KATNA1: variants seen among roughly 807,000 people sequenced by gnomAD.
The protein encoded by KATNA1 is katanin catalytic subunit A1.
Under a neutral mutation model 62.6 loss-of-function variants are expected in KATNA1, and 42 were observed. The observed-to-expected ratio is 0.67, with a 90% CI of 0.52 to 0.87. The LOEUF (loss-of-function observed/expected upper bound fraction) is 0.87. KATNA1 is among the 40% of genes least tolerant of loss of function. The probability of loss-of-function intolerance (pLI) is 0.00; values close to 1 mark genes in which losing one functional copy is unlikely to be tolerated. For synonymous variants in KATNA1, 186 were observed against 201.9 expected, an observed-to-expected ratio of 0.92 and a Z score of 0.67; for missense variants, 498 against 612.5, an observed-to-expected ratio of 0.81 and a Z score of 1.97.
chr6:149,601,587 C>T lies in KATNA1; in HGVS notation c.888+7G>A, dbSNP rs1562280448. On this transcript the variant is annotated splice_region_variant and intron_variant, in intron 7 of 10. Coordinates refer to ENST00000367411, the MANE Select transcript of KATNA1 (RefSeq NM_007044.4). ...AAAGAATCATTAGAGCTGTCTCAAA[C>T]ATTCACCATTTCAAACAGAAGACGA... The T allele has an allele frequency of 1.9e-6, 3 of 1,597,528 alleles. No homozygotes were observed. The highest frequency in any genetic ancestry group is 2.6e-6 in the Non-Finnish European group (3 of 1,172,872).
intron 4 of KATNA1, among the ~76,000 whole-genome samples, chr6:149,615,493 C>T (rs927818278): frequency 1.3e-5 from 2 of 152,040 alleles, no homozygotes; most frequent in East Asian, 1.9e-4. Context: ...GCATGAGCAC[C>T]ATCCCCGGCG....
chr6:149,620,480 G>C (rs1779352468), intron 4 of KATNA1, among the ~76,000 whole-genome samples: 1 of 152,086 alleles, frequency 6.6e-6, no homozygotes. Flanking sequence ...TTTTAGTAGA[G>C]ACAGTGTTTC....
chr6:149,626,049 A>G (rs182015707), intron 3 of KATNA1, among the ~76,000 whole-genome samples: 99 of 152,258 alleles, frequency 6.5e-4, no homozygotes, highest in Non-Finnish European at 1.3e-3. Context: ...TTTTGGATTC[A>G]GGAAGTATTT....
At chr6:149,626,179 A>G (rs912356751) in intron 3 of KATNA1, among the ~76,000 whole-genome samples, 5 of 152,292 alleles carry the variant, frequency 3.3e-5, no homozygotes, top group South Asian at 2.1e-4. Context: ...CCAATTGCCA[A>G]TGAAAAATAT....
chr6:149,638,261 A>G, intron 2 of KATNA1, 125 bp downstream of exon 2: 1 of 873,950 alleles, frequency 1.1e-6, no homozygotes, highest in Non-Finnish European at 1.8e-6. Flanking sequence ...GGAGTGAGCC[A>G]CTGTGTACTG....
chr6:149,612,115 A>C (rs1415940446), intron 4 of KATNA1, among the ~76,000 whole-genome samples: 3 of 152,224 alleles, frequency 2.0e-5, no homozygotes, highest in Non-Finnish European at 4.4e-5. Flanking sequence ...TCACCTAATA[A>C]AAGAAGATAA....
intron 4 of KATNA1, among the ~76,000 whole-genome samples, chr6:149,621,229 T>TTGTCC (rs906529942): frequency 6.6e-6 from 1 of 151,348 alleles, no homozygotes; most frequent in African/African-American, 2.4e-5. Flanking sequence ...GTTCAAGCCA[T>TTGTCC]TGTCCTGCCT....
At chr6:149,597,461 T>A (rs1302449247) in intron 9 of KATNA1, 46 bp downstream of exon 9, 1 of 1,599,840 alleles carries the variant, frequency 6.3e-7, no homozygotes, top group Non-Finnish European at 8.5e-7. Flanking sequence ...TAAACAAAAC[T>A]ACATGAAAGT....
intron 8 of KATNA1, chr6:149,597,952 T>C (rs1778390489): frequency 2.1e-6 from 1 of 471,608 alleles, no homozygotes; most frequent in Non-Finnish European, 3.7e-6. Flanking sequence ...TTTATTTTTA[T>C]TTCAATTTCA....
In KATNA1 at chr6:149,601,581, C is replaced by G; in HGVS notation, c.888+13G>C. The G allele has an allele frequency of 6.3e-7, 1 of 1,593,604 alleles. No individual in the cohort carries two copies. The highest frequency in any genetic ancestry group is 1.1e-5 in the South Asian group (1 of 87,020). On this transcript the variant is annotated intron_variant, in intron 7 of 10. Coordinates refer to ENST00000367411, the MANE Select transcript of KATNA1 (RefSeq NM_007044.4). ...AGAGGTAAAGAATCATTAGAGCTGT[C>G]TCAAACATTCACCATTTCAAACAGA...
At chr6:149,623,046 T>C in intron 4 of KATNA1, 57 bp downstream of exon 4, 1 of 1,272,362 alleles carries the variant, frequency 7.9e-7, no homozygotes, top group South Asian at 1.5e-5. Flanking sequence ...ATTTGTACAG[T>C]CTTCATTTTT....
chr6:149,630,734 T>C (rs1779797415), intron 3 of KATNA1, among the ~76,000 whole-genome samples: 1 of 152,164 alleles, frequency 6.6e-6, no homozygotes, highest in Admixed American at 6.6e-5. Flanking sequence ...AAATGTGGCC[T>C]ATGGACCACC....
rs1202300890 is a variant in KATNA1, at chr6:149,601,683, T to G, written c.799A>C (p.Lys267Gln). Residue 267 changes from lysine (K) to glutamine (Q), a missense_variant, in exon 7 of 11, where the codon AAG becomes CAG. By Grantham distance (53) the Lys-to-Gln change is moderately conservative. Around this residue, in one of 3 missense-constraint regions of KATNA1, gnomAD observed 267 missense variants for 372.6 expected, o/e 0.72. Transcript: ENST00000367411. ...LLAKAVATEC[K>Q]TTFFNVSSST... Reference sequence around the variant, plus strand: ...GAAGAGACATTGAAGAATGTTGTCTTGCATTCTGTAGCTACTGCTTTAGCA... The same window carrying G: ...GAAGAGACATTGAAGAATGTTGTCTGGCATTCTGTAGCTACTGCTTTAGCA... 1 of 1,612,994 alleles carries G rather than the reference T, an allele frequency of 6.2e-7. No homozygotes were observed.
At chr6:149,645,809 C>T (rs1347849841) in intron 1 of KATNA1, among the ~76,000 whole-genome samples, 1 of 151,686 alleles carries the variant, frequency 6.6e-6, no homozygotes, top group Non-Finnish European at 1.5e-5. Context: ...ATACTGAAAT[C>T]GCAATTTTAC....
At position 149,598,211 on chromosome 6, in the gene KATNA1, T is replaced by C. The variant is rs1253608475; in HGVS notation, c.1015+13A>G. On this transcript the variant is annotated intron_variant, in intron 8 of 10. Coordinates refer to ENST00000367411, the MANE Select transcript of KATNA1 (RefSeq NM_007044.4). Reference sequence around the variant, plus strand: ...CCTCCCGTCCCTGTTCAACTCAAGCTAAACACAGATACCATCCATCTGAAC... The same window carrying C: ...CCTCCCGTCCCTGTTCAACTCAAGCCAAACACAGATACCATCCATCTGAAC... 6.2e-7 allele frequency: 1 copy of C among 1,613,408 alleles called. No individual in the cohort carries two copies.
At position 149,630,162 on chromosome 6, in the gene KATNA1, T is replaced by G. The variant is rs189468597; in HGVS notation, c.320+2597A>C. Among the ~76,000 whole-genome samples, 208 of 152,364 alleles carry G rather than the reference T, an allele frequency of 1.4e-3. 1 individual carries two copies. The Middle Eastern group carries it at 0.017, about 12-fold the overall frequency. On this transcript the variant is annotated intron_variant, in intron 3 of 10. Coordinates refer to ENST00000367411, the MANE Select transcript of KATNA1 (RefSeq NM_007044.4). ...TTTTCCCCCTACTTCAATGAATTTT[T>G]CTATTTTTCTTTAATGAGCTACTGT...
intron 4 of KATNA1, among the ~76,000 whole-genome samples, chr6:149,620,675 A>C (rs957969091): frequency 2.0e-5 from 3 of 152,180 alleles, no homozygotes; most frequent in Non-Finnish European, 4.4e-5. Context: ...AACACAAAGA[A>C]ATGATAAATG....
At chr6:149,646,060 G>A (rs1220551762) in intron 1 of KATNA1, among the ~76,000 whole-genome samples, 1 of 152,040 alleles carries the variant, frequency 6.6e-6, no homozygotes, top group Non-Finnish European at 1.5e-5. Context: ...AAGGACTCAG[G>A]CTGGGCTCCA....
intron 1 of KATNA1, among the ~76,000 whole-genome samples, chr6:149,642,666 G>A (rs1299838275): frequency 1.3e-5 from 2 of 152,130 alleles, no homozygotes; most frequent in Admixed American, 1.3e-4. Context: ...CTAAAAAAAG[G>A]TCTCAGACAT....
Sources: gnomAD v4.1 joint callset for allele counts (sites outside exome capture counted in the v4.1 genomes callset) on GRCh38, gnomAD v4.1.1 for gene constraint, gnomAD v4.1.1 regional missense constraint, MANE v1.5 for transcripts, NCBI Gene and HGNC (gene_info 2026-07-23, HGNC 2026-07-21) for gene names.